The following TACC2 variants were observed in gnomAD, a reference collection of about 807,000 sequenced individuals.
The protein encoded by TACC2 is transforming acidic coiled-coil-containing protein 2.
In TACC2, 137 loss-of-function variants were observed where a neutral mutation model predicts 227.3. That is an observed-to-expected ratio of 0.60 (90% CI 0.52 to 0.69). The LOEUF is 0.69. Ranked by LOEUF, TACC2 falls within the 30% of genes least tolerant of loss-of-function variation. The probability of loss-of-function intolerance (pLI) is 0.00; values close to 1 mark genes in which losing one functional copy is unlikely to be tolerated. For synonymous variants in TACC2, 1,523 were observed against 1,487.5 expected, an observed-to-expected ratio of 1.02 and a Z score of -0.55; for missense variants, 3,470 against 3,694.4, an observed-to-expected ratio of 0.94 and a Z score of 1.57.
chr10:122,017,272 G>T (rs1004799839), intron 1 of TACC2, among the ~76,000 whole-genome samples: 2 of 152,076 alleles, frequency 1.3e-5, no homozygotes, highest in Non-Finnish European at 2.9e-5. Context: ...GTGCTTTTTG[G>T]ATTTTACATC....
chr10:122,053,885 T>C (rs1455848063), intron 3 of TACC2, among the ~76,000 whole-genome samples: 1 of 152,218 alleles, frequency 6.6e-6, no homozygotes, highest in Admixed American at 6.5e-5. Context: ...TTCTGTTTTC[T>C]ACTTGGAAAA....
chr10:122,226,854 C>T (rs2141355302), intron 13 of TACC2, among the ~76,000 whole-genome samples: 1 of 152,236 alleles, frequency 6.6e-6, no homozygotes, highest in South Asian at 2.1e-4. Flanking sequence ...TGTCCCACTC[C>T]CTATAATCTC....
intron 16 of TACC2, among the ~76,000 whole-genome samples, chr10:122,235,664 C>A (rs886238944): frequency 2.6e-5 from 4 of 152,178 alleles, no homozygotes; most frequent in Non-Finnish European, 5.9e-5. Context: ...AACTGTGAAA[C>A]CCATTTTCCA....
At position 122,050,297 on chromosome 10, in the gene TACC2, T is replaced by C. The variant is rs1043654281; in HGVS notation, c.34-141T>C. Reference sequence around the variant, plus strand: ...TCAAGGCCTAGCTCAGTGCCGCACATAGTAGGTGTTTCGTTGGACGGCAGA... The same window carrying C: ...TCAAGGCCTAGCTCAGTGCCGCACACAGTAGGTGTTTCGTTGGACGGCAGA... On this transcript the variant is annotated intron_variant, in intron 2 of 22. Coordinates refer to ENST00000369005, the MANE Select transcript of TACC2 (RefSeq NM_206862.4). This position sits in a 1 kb window ranked among gnomAD's most constrained non-coding sequence, Gnocchi z 4.6. 1 of 666,500 alleles carries C rather than the reference T, an allele frequency of 1.5e-6. No individual in the cohort carries two copies. The highest frequency in any genetic ancestry group is 2.7e-6 in the Non-Finnish European group (1 of 372,788). 41.3% of individuals were successfully genotyped at this position (666,500 alleles called of 1,614,324 possible).
At position 122,217,036 on chromosome 10, in the gene TACC2, C is replaced by T. The variant is rs1210074432; in HGVS notation, c.7546+208C>T. 3 of 1,049,084 alleles carry T rather than the reference C, an allele frequency of 2.9e-6. 1 individual carries two copies. The highest frequency in any genetic ancestry group is 3.3e-5 in the South Asian group (2 of 60,840). The allele number at this position is 1,049,084 out of a possible 1,614,324, so 65.0% of individuals were successfully genotyped here. On this transcript the variant is annotated intron_variant, in intron 11 of 22. Coordinates refer to ENST00000369005, the MANE Select transcript of TACC2 (RefSeq NM_206862.4). ...AAAGCAGCTGTCCCTTGACCCAAGA[C>T]TCCTGCTAAGAGCCAGCACGGTGCC...
At chr10:122,011,853 G>C (rs1484928046) in intron 1 of TACC2, among the ~76,000 whole-genome samples, 1 of 152,174 alleles carries the variant, frequency 6.6e-6, no homozygotes, top group Non-Finnish European at 1.5e-5. Context: ...TGAACCAGGA[G>C]AAAGAAGACC....
intron 5 of TACC2, among the ~76,000 whole-genome samples, chr10:122,109,502 G>A (rs977998508): frequency 6.6e-6 from 1 of 152,104 alleles, no homozygotes; most frequent in African/African-American, 2.4e-5. Context: ...CCTGGGGTTC[G>A]TGGTTGTCTC....
intron 7 of TACC2, among the ~76,000 whole-genome samples, chr10:122,186,322 G>C (rs983294524): frequency 2.6e-5 from 4 of 152,118 alleles, no homozygotes; most frequent in African/African-American, 9.6e-5. Context: ...TTGGGAGACC[G>C]AGGCAGGAGG....
chr10:122,053,811 C>A (rs1433312527), intron 3 of TACC2, among the ~76,000 whole-genome samples: 1 of 152,158 alleles, frequency 6.6e-6, no homozygotes, highest in African/African-American at 2.4e-5. Context: ...GGACAACCAG[C>A]ATTTTCTCTT....
At chr10:122,170,903 C>A (rs1407890414) in intron 7 of TACC2, among the ~76,000 whole-genome samples, 1 of 152,182 alleles carries the variant, frequency 6.6e-6, no homozygotes, top group Non-Finnish European at 1.5e-5. Flanking sequence ...CGTCCCTTGG[C>A]TGGTCTCTTT....
At chr10:122,111,779 G>T (rs1227956776) in intron 5 of TACC2, among the ~76,000 whole-genome samples, 1 of 152,022 alleles carries the variant, frequency 6.6e-6, no homozygotes, top group Admixed American at 6.6e-5. Flanking sequence ...TAGGGCACAA[G>T]AACCTTGAAG....
chr10:122,133,494 C>T (rs1212722468), intron 6 of TACC2, among the ~76,000 whole-genome samples: 1 of 152,158 alleles, frequency 6.6e-6, no homozygotes, highest in African/African-American at 2.4e-5. Context: ...CACATGTACA[C>T]GTGTATGTCT....
chr10:122,186,505 A>G (rs554714445), intron 7 of TACC2, among the ~76,000 whole-genome samples: 77 of 152,142 alleles, frequency 5.1e-4, no homozygotes, highest in Non-Finnish European at 9.4e-4. Context: ...GGGGGATAAA[A>G]TGAGTTTATT....
chr10:122,083,275 G>A lies in TACC2; in HGVS notation c.775G>A (p.Gly259Ser), dbSNP rs980875898. 1 of 1,613,816 alleles carries A rather than the reference G, an allele frequency of 6.2e-7. No individual in the cohort carries two copies. The highest frequency in any genetic ancestry group is 8.5e-7 in the Non-Finnish European group (1 of 1,180,004). Residue 259 changes from glycine (G) to serine (S), a missense_variant, in exon 4 of 23, where the codon GGC (glycine) becomes AGC (serine). Transcript: ENST00000369005. ...TPEAPAAAQQ[G>S]TESSAVLEKS... The stretch of plus-strand genomic sequence containing the variant: ...TGAGGCCCCTGCTGCAGCCCAGCAG[G>A]GCACAGAAAGCTCAGCGGTCTTGGA...
intron 3 of TACC2, among the ~76,000 whole-genome samples, chr10:122,077,891 A>G (rs1411146564): frequency 6.6e-6 from 1 of 152,038 alleles, no homozygotes; most frequent in African/African-American, 2.4e-5. Flanking sequence ...GATTAAGCGC[A>G]ATCGTAACTG....
rs1298328713 is a variant in TACC2 at position 122,205,537 on chromosome 10, T to TA, written c.5972-4859dup. On this transcript the variant is annotated intron_variant, in intron 8 of 22. Coordinates refer to ENST00000369005, the MANE Select transcript of TACC2 (RefSeq NM_206862.4). This position sits in a 1 kb window ranked among gnomAD's most constrained non-coding sequence, Gnocchi z 4.5. ...AAGCTGACTCATTTTTGTGGCCAAA[T>TA]ACTAAAGTGTTACCCACTGGAGGTT... is the stretch of plus-strand genomic sequence containing the variant. Among the ~76,000 whole-genome samples, 1 of 152,194 alleles carries TA rather than the reference T, an allele frequency of 6.6e-6. No homozygotes were observed. Among genetic ancestry groups the TA allele is most frequent in the Non-Finnish European group, 1.5e-5 (1 of 68,022 alleles).
chr10:122,227,614 C>T (rs2095654438), intron 13 of TACC2, among the ~76,000 whole-genome samples: 1 of 152,206 alleles, frequency 6.6e-6, no homozygotes, highest in Non-Finnish European at 1.5e-5. Context: ...AACTGCAGAG[C>T]TCGGGTCTGT....
intron 5 of TACC2, among the ~76,000 whole-genome samples, chr10:122,110,143 T>G (rs777495175): frequency 2.0e-5 from 3 of 152,184 alleles, no homozygotes; most frequent in Non-Finnish European, 2.9e-5. Context: ...ACCACCCTGA[T>G]GCAGAACCAT....
Position 122,223,036 on chromosome 10 carries a change from CCTCTCT to C in TACC2, c.7547-1677_7547-1672del, listed in dbSNP as rs11385698. 5.2e-4 allele frequency among the ~76,000 whole-genome samples: 74 copies of C among 141,078 alleles called. 1 individual carries two copies. Among genetic ancestry groups the C allele is most frequent in the Admixed American group, 1.6e-3 (21 of 13,068 alleles). 92.6% of individuals were successfully genotyped at this position (141,078 alleles called of 152,430 possible). ...TGTCCATCCCTGTCTCCTTCCTCCT[CCTCTCT>C]CTCTCTCTCTCTTTTTTTTTTTTTT... On this transcript the variant is annotated intron_variant, in intron 11 of 22. Coordinates refer to ENST00000369005, the MANE Select transcript of TACC2 (RefSeq NM_206862.4).
Sources: gnomAD v4.1 joint callset for allele counts (sites outside exome capture counted in the v4.1 genomes callset) on GRCh38, gnomAD v4.1.1 for gene constraint, Gnocchi (gnomAD v3.1) non-coding constraint, MANE v1.5 for transcripts, NCBI Gene and HGNC (gene_info 2026-07-23, HGNC 2026-07-21) for gene names.